The following SAMD12 variants were observed in gnomAD, a reference collection of about 807,000 sequenced individuals.
The protein encoded by SAMD12 is sterile alpha motif domain-containing protein 12.
SAMD12 carries 9 observed loss-of-function variants against 15.0 expected under a neutral mutation model. The ratio of observed to expected loss-of-function variants is 0.60; its 90% CI spans 0.36 to 1.05. The LOEUF is 1.05. SAMD12 is among the 50% of genes least tolerant of loss of function. The pLI is 0.01. For synonymous variants in SAMD12, 86 were observed against 90.1 expected (o/e 0.96, Z 0.25); for missense variants, 230 against 234.2 (o/e 0.98, Z 0.12).
At chr8:118,509,211 T>G (rs1256752025) in intron 2 of SAMD12, among the ~76,000 whole-genome samples, 2 of 152,168 alleles carry the variant, frequency 1.3e-5, no homozygotes, top group African/African-American at 4.8e-5. Flanking sequence ...ATCCCATAAG[T>G]GCCAAATAAT....
chr8:118,400,624 T>C (rs1820823726), intron 3 of SAMD12: 1 of 152,188 alleles, frequency 6.6e-6, no homozygotes, highest in Non-Finnish European at 1.5e-5. Flanking sequence ...AGAAGCTACA[T>C]TTTTTTAACA....
intron 3 of SAMD12, among the ~76,000 whole-genome samples, chr8:118,397,493 TAC>T (rs1158005656): frequency 6.6e-6 from 1 of 152,178 alleles, no homozygotes; most frequent in Non-Finnish European, 1.5e-5. Flanking sequence ...ACCCCAAGTC[TAC>T]AGATTGTGGA....
chr8:118,338,962 G>T (rs768471102), intron 4 of SAMD12, among the ~76,000 whole-genome samples: 10 of 152,160 alleles, frequency 6.6e-5, no homozygotes, highest in Non-Finnish European at 1.0e-4. Context: ...AGAATGAGCC[G>T]CCACTTATCT....
In SAMD12 at chr8:118,548,591, G is replaced by C. The variant is rs150022196; in HGVS notation, c.192+32124C>G. Among the ~76,000 whole-genome samples the C allele has an allele frequency of 2.1e-3, 314 of 152,324 alleles. 3 individuals carry two copies. The highest frequency in any genetic ancestry group is 7.1e-3 in the African/African-American group (296 of 41,570). On this transcript the variant is annotated intron_variant, in intron 2 of 3. Coordinates refer to ENST00000314727, the MANE Select transcript of SAMD12 (RefSeq NM_207506.3). ...ACAGCTCCAGTCTACAGCTCCCAGC[G>C]TGAGCGACGCAGAAGACGGGTGATT... is the stretch of plus-strand genomic sequence containing the variant.
At position 118,580,705 on chromosome 8, in the gene SAMD12, T is replaced by A; in HGVS notation, c.192+10A>T. ...TTCAAATCTCCGTAATTAACTGGAA[T>A]ATTACGCACCTTAGCCGTCTCAGCT... is the stretch of plus-strand genomic sequence containing the variant. On this transcript the variant is annotated intron_variant, in intron 2 of 3. Transcript: ENST00000314727. The A allele has an allele frequency of 6.2e-7, 1 of 1,601,608 alleles. No individual in the cohort carries two copies. The highest frequency in any genetic ancestry group is 8.5e-7 in the Non-Finnish European group (1 of 1,170,642).
chr8:118,173,460 C>T, the SAMD12 span, among the ~76,000 whole-genome samples: 1 of 151,946 alleles, frequency 6.6e-6, no homozygotes. Flanking sequence ...TGTCATTGTA[C>T]ATTACAAGGC....
chr8:118,419,794 C>T (rs561730592), intron 3 of SAMD12, among the ~76,000 whole-genome samples: 2 of 152,290 alleles, frequency 1.3e-5, no homozygotes, highest in South Asian at 2.1e-4. Context: ...CCACTAGATA[C>T]ATGCTTCACC....
chr8:118,299,445 C>T (rs118180113), intron 4 of SAMD12, among the ~76,000 whole-genome samples: 372 of 152,306 alleles, frequency 2.4e-3, no homozygotes, highest in Non-Finnish European at 3.9e-3. Context: ...GGTCTCTACA[C>T]GTCCAGTGGT....
intron 4 of SAMD12, among the ~76,000 whole-genome samples, chr8:118,340,585 A>G (rs1207475464): frequency 2.6e-5 from 4 of 152,164 alleles, no homozygotes; most frequent in Admixed American, 2.6e-4. Context: ...CCTGGCCAAT[A>G]TGGCGAAACC....
rs1826270383 is a variant in SAMD12, at chr8:118,549,935, A to C, written c.192+30780T>G. ...CTGGAAAAAAGGGTATCAGCAATGG[A>C]AGATGAAATGAATGAAATGAAGCGA... On this transcript the variant is annotated intron_variant, in intron 2 of 3. Transcript: ENST00000314727. Among the ~76,000 whole-genome samples, 5 of 152,076 alleles carry C rather than the reference A, an allele frequency of 3.3e-5. No homozygotes were observed. The South Asian group carries it at 1.0e-3, about 31-fold the overall frequency.
At chr8:118,613,739 T>G (rs1016950663) in intron 1 of SAMD12, among the ~76,000 whole-genome samples, 8 of 152,220 alleles carry the variant, frequency 5.3e-5, no homozygotes, top group South Asian at 4.1e-4. Context: ...ATGGAGTCCA[T>G]GAATTATTTT....
intron 4 of SAMD12, among the ~76,000 whole-genome samples, chr8:118,207,919 T>TA (rs1019128180): frequency 1.5e-5 from 1 of 67,538 alleles, no homozygotes; most frequent in Non-Finnish European, 3.3e-5. Flanking sequence ...AAGGTCTACG[T>TA]AAATACTCCT....
intron 2 of SAMD12, among the ~76,000 whole-genome samples, chr8:118,577,342 T>C (rs1482265933): frequency 1.3e-5 from 2 of 152,138 alleles, no homozygotes; most frequent in African/African-American, 4.8e-5. Context: ...TGAATACAGA[T>C]ACACACACAC....
At chr8:118,297,813 A>G (rs1814793937) in intron 4 of SAMD12, among the ~76,000 whole-genome samples, 1 of 152,250 alleles carries the variant, frequency 6.6e-6, no homozygotes, top group Non-Finnish European at 1.5e-5. Flanking sequence ...ATTTTGACAA[A>G]TAATTTTTGA....
At chr8:118,601,538 CTGAG>C (rs896753543) in intron 1 of SAMD12, among the ~76,000 whole-genome samples, 2 of 152,184 alleles carry the variant, frequency 1.3e-5, no homozygotes, top group African/African-American at 4.8e-5. Flanking sequence ...GGCTGGCAGA[CTGAG>C]TATCATAAGT....
At chr8:118,464,450 T>C (rs1823525519) in intron 2 of SAMD12, among the ~76,000 whole-genome samples, 1 of 152,212 alleles carries the variant, frequency 6.6e-6, no homozygotes, top group Non-Finnish European at 1.5e-5. Context: ...CAGAAACTTA[T>C]TTCTCATAGT....
intron 2 of SAMD12, among the ~76,000 whole-genome samples, chr8:118,555,111 TATCC>T (rs1298357142): frequency 6.6e-6 from 1 of 152,162 alleles, no homozygotes; most frequent in Non-Finnish European, 1.5e-5. Context: ...AAAGGGGTAA[TATCC>T]ATCTGTTATT....
At chr8:118,343,449 G>A (rs1474935381) in intron 4 of SAMD12, among the ~76,000 whole-genome samples, 2 of 152,048 alleles carry the variant, frequency 1.3e-5, no homozygotes, top group African/African-American at 4.8e-5. Flanking sequence ...CAGCCTGCAA[G>A]CCAGTCCCAG....
At chr8:118,280,010 T>G (rs188571478) in intron 4 of SAMD12, among the ~76,000 whole-genome samples, 1 of 152,292 alleles carries the variant, frequency 6.6e-6, no homozygotes, top group East Asian at 1.9e-4. Context: ...AGATTCAGAG[T>G]TGACTATTGC....
Sources: allele counts gnomAD v4.1 joint callset (sites outside exome capture counted in the v4.1 genomes callset), GRCh38; gene constraint gnomAD v4.1.1; transcripts MANE v1.5; gene names NCBI Gene and HGNC (gene_info 2026-07-23, HGNC 2026-07-21).